Variants in MPDZ observed in about 807,000 individuals in gnomAD.
MPDZ encodes multiple PDZ domain protein.
Under a neutral mutation model 239.1 loss-of-function variants are expected in MPDZ, and 234 were observed. The observed-to-expected ratio is 0.98, with a 90% CI of 0.88 to 1.09. The LOEUF (loss-of-function observed/expected upper bound fraction) is 1.09, where lower values mean the gene tolerates loss of function less well. Ranked by LOEUF, MPDZ falls within the 50% of genes least tolerant of loss-of-function variation. MPDZ has a pLI of 0.00. For synonymous variants in MPDZ, 1,048 were observed against 881.3 expected (o/e 1.19, Z -3.35); for missense variants, 3,175 against 2,510.0 (o/e 1.26, Z -5.66).
rs977344679 is a variant in MPDZ, at chr9:13,249,748, C to G, written c.16+552G>C. Among the ~76,000 whole-genome samples, 71 of 152,128 alleles carry G rather than the reference C, an allele frequency of 4.7e-4. 1 individual carries two copies. The highest frequency in any genetic ancestry group is 1.3e-4 in the Non-Finnish European group (9 of 68,018). On this transcript the variant is annotated intron_variant, in intron 2 of 46. Transcript: ENST00000319217. ...GTAAAATGGTTCTACAAACTAGTTT[C>G]TTTAAAACTAAAGAGCAGTGGGAAA... is the stretch of plus-strand genomic sequence containing the variant.
At chr9:13,147,806 G>A (rs1206606503) in intron 25 of MPDZ, 148 bp from the exon 26 acceptor site, 1 of 615,826 alleles carries the variant, frequency 1.6e-6, no homozygotes, top group East Asian at 2.7e-5. Flanking sequence ...TGAAGCTGCA[G>A]AACTTTCTGT....
intron 3 of MPDZ, among the ~76,000 whole-genome samples, chr9:13,244,549 T>G (rs994970204): frequency 6.6e-6 from 1 of 152,188 alleles, no homozygotes; most frequent in African/African-American, 2.4e-5. Context: ...ATACACAATG[T>G]GGCAGAGTTA....
At chr9:13,122,045 T>A (rs1282668273) in intron 37 of MPDZ, 42 bp downstream of exon 37, 1 of 1,609,612 alleles carries the variant, frequency 6.2e-7, no homozygotes, top group African/African-American at 1.3e-5. Context: ...CCAGGAGCCT[T>A]TTCTCTGTTA....
At chr9:13,158,171 T>C (rs972558517) in intron 23 of MPDZ, 61 bp from the exon 24 acceptor site, 52 of 1,262,110 alleles carry the variant, frequency 4.1e-5, no homozygotes, top group East Asian at 7.1e-5. Context: ...CAAGATTATA[T>C]GTACTCTACT....
chr9:13,252,134 T>A lies in MPDZ; in HGVS notation c.-57-1762A>T, dbSNP rs140172277. On this transcript the variant is annotated intron_variant, in intron 1 of 46. Coordinates refer to ENST00000319217, the MANE Select transcript of MPDZ (RefSeq NM_001378778.1). ...CAATGCCGAGCATTGCATTATTTCA[T>A]GAGGCCTAATATAGGGAAATATTAA... Among the ~76,000 whole-genome samples the A allele has an allele frequency of 1.4e-4, 22 of 152,336 alleles. No individual in the cohort carries two copies. The East Asian group carries it at 4.1e-3, about 28-fold the overall frequency.
At chr9:13,198,266 C>T (rs1197666088) in intron 12 of MPDZ, among the ~76,000 whole-genome samples, 1 of 152,058 alleles carries the variant, frequency 6.6e-6, no homozygotes, top group Non-Finnish European at 1.5e-5. Flanking sequence ...TTCATTATTG[C>T]TTGTCTTTTG....
chr9:13,279,098 G>A (rs970376996), intron 1 of MPDZ: 3 of 151,950 alleles, frequency 2.0e-5, no homozygotes, highest in African/African-American at 2.4e-5. Context: ...ATCCACCGCG[G>A]GGCTGGGGGG....
chr9:13,188,724 A>G, intron 17 of MPDZ, 60 bp downstream of exon 17: 1 of 1,459,194 alleles, frequency 6.9e-7, no homozygotes. Flanking sequence ...AGCGAAAAGT[A>G]GACCTATGAA....
intron 9 of MPDZ, 144 bp from the exon 10 acceptor site, chr9:13,217,006 T>C: frequency 1.2e-6 from 1 of 814,492 alleles, no homozygotes; most frequent in South Asian, 1.8e-5. Context: ...AAGATAATTG[T>C]TTTGTCTGTC....
At chr9:13,262,985 G>A (rs1431327296) in intron 1 of MPDZ, among the ~76,000 whole-genome samples, 4 of 152,126 alleles carry the variant, frequency 2.6e-5, no homozygotes, top group African/African-American at 4.8e-5. Context: ...AGGAGTAGCC[G>A]CATACGGGGG....
chr9:13,228,591 G>A (rs1961382314), intron 3 of MPDZ, among the ~76,000 whole-genome samples: 1 of 152,006 alleles, frequency 6.6e-6, no homozygotes, highest in Non-Finnish European at 1.5e-5. Context: ...GTTCAATCTT[G>A]CTTACCATAG....
At chr9:13,204,481 A>G (rs797005548) in intron 12 of MPDZ, among the ~76,000 whole-genome samples, 10 of 152,202 alleles carry the variant, frequency 6.6e-5, no homozygotes, top group South Asian at 2.1e-4. Flanking sequence ...ATGGGTCCTA[A>G]GTTTATAGTG....
chr9:13,225,452 G>A (rs1256259061), intron 3 of MPDZ, among the ~76,000 whole-genome samples: 1 of 151,692 alleles, frequency 6.6e-6, no homozygotes, highest in African/African-American at 2.4e-5. Flanking sequence ...ATCTAGTAGT[G>A]TACAGTAATG....
At chr9:13,258,812 G>C in intron 1 of MPDZ, among the ~76,000 whole-genome samples, 1 of 152,016 alleles carries the variant, frequency 6.6e-6, no homozygotes, top group Non-Finnish European at 1.5e-5. Context: ...TTTATTCAAT[G>C]AAAATAAGAT....
chr9:13,172,811 C>T (rs1951969061), intron 21 of MPDZ, among the ~76,000 whole-genome samples: 2 of 152,194 alleles, frequency 1.3e-5, no homozygotes, highest in African/African-American at 4.8e-5. Context: ...TTCTACCTTT[C>T]ACTGTTTTCT....
chr9:13,241,037 T>A (rs1048382877), intron 3 of MPDZ, among the ~76,000 whole-genome samples: 1 of 152,210 alleles, frequency 6.6e-6, no homozygotes, highest in Non-Finnish European at 1.5e-5. Context: ...ATAAAAAGCT[T>A]GAACAGTGCC....
intron 11 of MPDZ, 27 bp downstream of exon 11, chr9:13,205,889 C>T (rs770084421): frequency 1.3e-6 from 2 of 1,532,578 alleles, no homozygotes; most frequent in Non-Finnish European, 1.8e-6. Flanking sequence ...AAAGGTCTAA[C>T]TAAAAACCAG....
chr9:13,150,733 G>C (rs570933270), intron 24 of MPDZ, 45 bp from the exon 25 acceptor site: 2 of 1,239,318 alleles, frequency 1.6e-6, no homozygotes, highest in Admixed American at 7.6e-5. Flanking sequence ...AAATCATAAG[G>C]GTAAAGCTTC....
chr9:13,261,985 T>C (rs1564156803), intron 1 of MPDZ, among the ~76,000 whole-genome samples: 1 of 151,606 alleles, frequency 6.6e-6, no homozygotes, highest in Non-Finnish European at 1.5e-5. Context: ...ATTGAGGCTA[T>C]AGTGAGCTAT....
Sources: allele counts gnomAD v4.1 joint callset (sites outside exome capture counted in the v4.1 genomes callset), GRCh38; gene constraint gnomAD v4.1.1; transcripts MANE v1.5; gene names NCBI Gene and HGNC (gene_info 2026-07-23, HGNC 2026-07-21).